NRXN3: variants seen among roughly 807,000 people sequenced by gnomAD.
NRXN3 encodes neurexin III.
In NRXN3, 32 loss-of-function variants were observed where a neutral mutation model predicts 137.6. That is an observed-to-expected ratio of 0.23 (90% CI 0.18 to 0.31). The LOEUF is 0.31. Ranked by LOEUF, NRXN3 falls within the 10% of genes least tolerant of loss-of-function variation. NRXN3 has a pLI of 1.00. For missense variants in NRXN3, 1,574 were observed against 2,062.5 expected, an observed-to-expected ratio of 0.76 and a Z score of 4.59; for synonymous variants, 798 against 784.5, an observed-to-expected ratio of 1.02 and a Z score of -0.29.
chr14:78,894,239 CA>C (rs1363697180), intron 10 of NRXN3, among the ~76,000 whole-genome samples: 1 of 151,916 alleles, frequency 6.6e-6, no homozygotes, highest in Non-Finnish European at 1.5e-5. Flanking sequence ...GAACTTCTTT[CA>C]AAATTAGAAT....
rs17109231 is a variant in NRXN3 at position 79,455,709 on chromosome 14, T to C, written c.3263-11512T>C. On this transcript the variant is annotated intron_variant, in intron 15 of 20. Coordinates refer to ENST00000335750, the MANE Select transcript of NRXN3 (RefSeq NM_001330195.2). ...TTTATATTTGTAATCTTTTCTATTG[T>C]GATGGTTATATAATTTCTAATGTTC... is the stretch of plus-strand genomic sequence containing the variant. Among the ~76,000 whole-genome samples the C allele has an allele frequency of 8.8e-3, 1,342 of 152,176 alleles. 29 individuals carry two copies. The East Asian group carries it at 0.096, about 11-fold the overall frequency.
chr14:79,710,811 C>T (rs922334573), intron 19 of NRXN3, among the ~76,000 whole-genome samples: 8 of 152,128 alleles, frequency 5.3e-5, no homozygotes, highest in African/African-American at 1.4e-4. Context: ...TTTTCTATTC[C>T]ACAAACATTG....
intron 4 of NRXN3, among the ~76,000 whole-genome samples, chr14:78,317,459 T>A (rs1476282112): frequency 6.6e-6 from 1 of 152,198 alleles, no homozygotes; most frequent in East Asian, 1.9e-4. Flanking sequence ...CTTATAAGAA[T>A]CTGACTAATG....
chr14:78,622,463 A>G (rs1206949263), intron 4 of NRXN3, among the ~76,000 whole-genome samples: 8 of 152,186 alleles, frequency 5.3e-5, no homozygotes, highest in Admixed American at 3.9e-4. Context: ...CCATTTCACT[A>G]TAGCCAAAGG....
At chr14:79,023,463 A>G (rs1057054667) in intron 15 of NRXN3, among the ~76,000 whole-genome samples, 3 of 151,996 alleles carry the variant, frequency 2.0e-5, no homozygotes, top group Non-Finnish European at 4.4e-5. Flanking sequence ...GCAGGGACTG[A>G]TCAGGGAAGT....
intron 4 of NRXN3, among the ~76,000 whole-genome samples, chr14:78,478,207 TG>T (rs985740463): frequency 7.2e-5 from 11 of 152,056 alleles, no homozygotes; most frequent in African/African-American, 2.7e-4. Flanking sequence ...ACTAGTGATT[TG>T]GGGGGAAAAT....
At chr14:79,441,326 A>C (rs1408875517) in intron 15 of NRXN3, among the ~76,000 whole-genome samples, 1 of 151,154 alleles carries the variant, frequency 6.6e-6, no homozygotes, top group African/African-American at 2.4e-5. Context: ...CAGCTGTCCA[A>C]ACAAAATGCT....
intron 4 of NRXN3, among the ~76,000 whole-genome samples, chr14:78,545,947 A>G (rs145723257): frequency 1.1e-4 from 16 of 152,062 alleles, no homozygotes; most frequent in African/African-American, 3.6e-4. Flanking sequence ...TTCCAGTCTG[A>G]TGATATGTTA....
intron 4 of NRXN3, among the ~76,000 whole-genome samples, chr14:78,405,560 A>G (rs915172030): frequency 2.1e-5 from 3 of 141,922 alleles, no homozygotes; most frequent in Non-Finnish European, 3.0e-5. Context: ...TATACAAGCT[A>G]TACAGGCTGC....
At chr14:79,434,668 G>A (rs889058247) in intron 15 of NRXN3, among the ~76,000 whole-genome samples, 10 of 152,348 alleles carry the variant, frequency 6.6e-5, no homozygotes, top group African/African-American at 2.4e-4. Flanking sequence ...GGAACACTGA[G>A]GTGAAGATTG....
chr14:79,293,270 A>C (rs904250472), intron 15 of NRXN3, among the ~76,000 whole-genome samples: 1 of 152,186 alleles, frequency 6.6e-6, no homozygotes, highest in Non-Finnish European at 1.5e-5. Context: ...CTCATCACCA[A>C]GTTCTCCAGG....
chr14:79,232,386 G>T (rs7161669), intron 15 of NRXN3, among the ~76,000 whole-genome samples: 144,307 of 152,218 alleles, frequency 0.95, 68,724 homozygotes, highest in East Asian at 1. Flanking sequence ...TGAGTTGATA[G>T]GTAGATATCT....
rs1337416747 is a variant in NRXN3 at position 79,866,609 on chromosome 14, T to G, written c.*4645T>G. 1 of 152,102 alleles carries G rather than the reference T, an allele frequency of 6.6e-6. No individual in the cohort carries two copies. The highest frequency in any genetic ancestry group is 1.5e-5 in the Non-Finnish European group (1 of 68,024). 9.4% of individuals were successfully genotyped at this position (152,102 alleles called of 1,614,324 possible). ...AGGAAGGTTTTTGAAATCATGTCAATGAATGGGAAGAGAGAAATGGGAGAA... is the reference window on the plus strand; with the variant it reads ...AGGAAGGTTTTTGAAATCATGTCAAGGAATGGGAAGAGAGAAATGGGAGAA... On this transcript the variant is annotated 3_prime_UTR_variant, in exon 21 of 21. Transcript: ENST00000335750.
At chr14:79,266,222 A>G (rs2078445343) in intron 15 of NRXN3, among the ~76,000 whole-genome samples, 2 of 152,214 alleles carry the variant, frequency 1.3e-5, no homozygotes, top group African/African-American at 4.8e-5. Flanking sequence ...CTCAACCATG[A>G]CATATTAAAC....
intron 4 of NRXN3, among the ~76,000 whole-genome samples, chr14:78,574,795 G>C (rs1600708147): frequency 6.6e-6 from 1 of 152,182 alleles, no homozygotes; most frequent in African/African-American, 2.4e-5. Flanking sequence ...GAGGACTGTG[G>C]GAAGGGCATG....
At chr14:79,273,863 G>T (rs200813922) in intron 15 of NRXN3, among the ~76,000 whole-genome samples, 6 of 151,364 alleles carry the variant, frequency 4.0e-5, no homozygotes, top group Non-Finnish European at 5.9e-5. Flanking sequence ...TTGAGAGTCC[G>T]AGGTGGGCAG....
At chr14:79,404,178 C>T (rs770762842) in intron 15 of NRXN3, among the ~76,000 whole-genome samples, 1 of 152,106 alleles carries the variant, frequency 6.6e-6, no homozygotes, top group African/African-American at 2.4e-5. Context: ...ACCTACACAA[C>T]GGGAGAGAAT....
chr14:79,355,571 T>C (rs894754506), intron 15 of NRXN3, among the ~76,000 whole-genome samples: 1 of 152,238 alleles, frequency 6.6e-6, no homozygotes, highest in African/African-American at 2.4e-5. Flanking sequence ...GGGATGACAG[T>C]TGGTCACTAT....
intron 6 of NRXN3, among the ~76,000 whole-genome samples, chr14:78,701,981 A>G (rs769127625): frequency 2.0e-5 from 3 of 152,222 alleles, no homozygotes; most frequent in African/African-American, 4.8e-5. Flanking sequence ...TGTCAGCTGT[A>G]TCTCAGCAGG....
Sources: allele counts gnomAD v4.1 joint callset (sites outside exome capture counted in the v4.1 genomes callset), GRCh38; gene constraint gnomAD v4.1.1; transcripts MANE v1.5; gene names NCBI Gene and HGNC (gene_info 2026-07-23, HGNC 2026-07-21).